Variants in WRAP73 observed in about 807,000 individuals in gnomAD.
The protein encoded by WRAP73 is WD repeat-containing protein WRAP73.
In WRAP73, 55 loss-of-function variants were observed where a neutral mutation model predicts 59.6. That is an observed-to-expected ratio of 0.92 (90% confidence interval 0.74 to 1.15). WRAP73 has a LOEUF of 1.15. Ranked by LOEUF, WRAP73 falls within the 50% of genes most tolerant of loss-of-function variation. The probability of loss-of-function intolerance (pLI) is 0.00; values close to 1 mark genes in which losing one functional copy is unlikely to be tolerated. For synonymous variants in WRAP73, 265 were observed against 258.2 expected, an observed-to-expected ratio of 1.03 and a Z score of -0.25; for missense variants, 592 against 608.1, an observed-to-expected ratio of 0.97 and a Z score of 0.28.
rs145686503 is a variant in WRAP73, at chr1:3,631,557, C to T, written c.1149G>A (p.Pro383=). The change falls in exon 11 of 12, where the codon CCG becomes CCA. Residue 383 remains proline (P), a synonymous_variant. Coordinates refer to ENST00000270708, the MANE Select transcript of WRAP73 (RefSeq NM_017818.4). Reference sequence around the variant, plus strand: ...TGCAGATGGCCAGCCGCGGCTGCTGCGGGTCCCACTGAAATGCGCGCACTG... The same window carrying T: ...TGCAGATGGCCAGCCGCGGCTGCTGTGGGTCCCACTGAAATGCGCGCACTG... The part of the protein sequence containing the change: ...LSPVRAFQWD[P]QQPRLAICTG... 5.6e-6 allele frequency: 9 copies of T among 1,611,244 alleles called. No homozygotes were observed. Among genetic ancestry groups the T allele is most frequent in the East Asian group, 4.5e-5 (2 of 44,886 alleles).
Position 3,631,059 on chromosome 1 carries a change from G to C in WRAP73, c.1299C>G (p.Leu433=), listed in dbSNP as rs1644527206. ...WHLSGDSMAL[L]SKDHFCLCFL... is the part of the protein sequence containing the mutation. Reference sequence around the variant, plus strand: ...AGCAGAGGCAGAAGTGATCCTTGCTGAGGAGGGCCATCGAGTCTCCGCTTA... The same window carrying C: ...AGCAGAGGCAGAAGTGATCCTTGCTCAGGAGGGCCATCGAGTCTCCGCTTA... The change falls in exon 12 of 12, where the codon CTC becomes CTG. Residue 433 remains leucine (L), a synonymous_variant. Transcript: ENST00000270708. The C allele has an allele frequency of 6.2e-7, 1 of 1,613,182 alleles. No individual in the cohort carries two copies. The highest frequency in any genetic ancestry group is 8.5e-7 in the Non-Finnish European group (1 of 1,180,028).
chr1:3,650,047 A>AC lies in WRAP73; in HGVS notation c.-49dup. 6.5e-7 allele frequency: 1 copy of AC among 1,528,292 alleles called. No homozygotes were observed. The highest frequency in any genetic ancestry group is 8.8e-7 in the Non-Finnish European group (1 of 1,137,058). 94.7% of individuals were successfully genotyped at this position (1,528,292 alleles called of 1,614,324 possible). On this transcript the variant is annotated 5_prime_UTR_variant, in exon 1 of 12. Transcript: ENST00000270708. Reference sequence around the variant, plus strand: ...CACCCTGCGCCCGAAAACCCGCGGGACCCCTGGGCGCGCAGCAGGCTGCAA... The same window carrying AC: ...CACCCTGCGCCCGAAAACCCGCGGGACCCCCTGGGCGCGCAGCAGGCTGCAA...
At chr1:3,645,907 A>G (rs957458442) in intron 3 of WRAP73, among the ~76,000 whole-genome samples, 1 of 152,178 alleles carries the variant, frequency 6.6e-6, no homozygotes, top group African/African-American at 2.4e-5. Flanking sequence ...TCCTGAAGGA[A>G]AGGTGCGAGC....
intron 4 of WRAP73, among the ~76,000 whole-genome samples, chr1:3,638,252 T>C (rs1644606653): frequency 6.6e-6 from 1 of 152,226 alleles, no homozygotes; most frequent in South Asian, 2.1e-4. Flanking sequence ...GCCGGCCCCC[T>C]TTCTTCCAGA....
At chr1:3,640,013 C>T (rs929203677) in intron 3 of WRAP73, among the ~76,000 whole-genome samples, 5 of 152,218 alleles carry the variant, frequency 3.3e-5, no homozygotes, top group African/African-American at 1.2e-4. Flanking sequence ...TAAATGTCTA[C>T]GCATCATCTC....
In WRAP73 at chr1:3,632,328, G is replaced by A. The variant is rs201562073; in HGVS notation, c.933C>T (p.Ala311=). 8 of 1,614,052 alleles carry A rather than the reference G, an allele frequency of 5.0e-6. No individual in the cohort carries two copies. In the African/African-American group the frequency reaches 9.3e-5, roughly 19 times the overall value. Residue 311 remains alanine (A), a synonymous_variant, in exon 10 of 12, where the codon GCC becomes GCT. Coordinates refer to ENST00000270708, the MANE Select transcript of WRAP73 (RefSeq NM_017818.4). ...LPSSESKYEI[A]SVPVSLQTLK... The stretch of plus-strand genomic sequence containing the variant: ...GTGTCTGTAAGGAGACTGGGACAGA[G>A]GCGATCTCATCTAGAACACCAACAG...
chr1:3,647,338 A>G, intron 2 of WRAP73, 70 bp downstream of exon 2: 1 of 1,452,320 alleles, frequency 6.9e-7, no homozygotes, highest in Admixed American at 2.7e-5. Context: ...AGAAAGGCAC[A>G]GAACAAAACC....
intron 3 of WRAP73, 86 bp from the exon 4 acceptor site, chr1:3,638,908 C>A: frequency 6.8e-7 from 1 of 1,479,682 alleles, no homozygotes; most frequent in Admixed American, 1.7e-5. Flanking sequence ...CCACGCGTCC[C>A]CAAGCACAGG....
At chr1:3,643,561 C>T (rs552440845) in intron 3 of WRAP73, among the ~76,000 whole-genome samples, 1 of 140,418 alleles carries the variant, frequency 7.1e-6, no homozygotes, top group East Asian at 3.0e-4. Flanking sequence ...GACTCAGCGG[C>T]CCCACTAACC....
At chr1:3,632,715 A>G in intron 9 of WRAP73, 1 of 335,392 alleles carries the variant, frequency 3.0e-6, no homozygotes, top group Non-Finnish European at 5.8e-6. Flanking sequence ...CCTCAGCGTC[A>G]GTACCCTTAG....
chr1:3,648,011 G>A (rs1644707114), intron 1 of WRAP73, among the ~76,000 whole-genome samples: 1 of 152,152 alleles, frequency 6.6e-6, no homozygotes, highest in Admixed American at 6.5e-5. Context: ...CAACGAAAAT[G>A]GCAAGGAATG....
intron 8 of WRAP73, chr1:3,634,080 TTCA>T (rs1644567015): frequency 1.3e-5 from 2 of 153,144 alleles, no homozygotes; most frequent in Admixed American, 1.3e-4. Context: ...CAGGCAAACC[TTCA>T]GGACCTGTGT....
chr1:3,650,085 G>C lies in WRAP73; in HGVS notation c.-86C>G. ...CAGCAGGCTGCAACAGCCGACGCCGGCCTCCGAGGCCGGAAGTCAGAAGGC... is the reference window on the plus strand; with the variant it reads ...CAGCAGGCTGCAACAGCCGACGCCGCCCTCCGAGGCCGGAAGTCAGAAGGC... On this transcript the variant is annotated 5_prime_UTR_variant, in exon 1 of 12. Coordinates refer to ENST00000270708, the MANE Select transcript of WRAP73 (RefSeq NM_017818.4). The C allele has an allele frequency of 7.3e-7, 1 of 1,361,488 alleles. No individual in the cohort carries two copies. Among genetic ancestry groups the C allele is most frequent in the Non-Finnish European group, 9.8e-7 (1 of 1,015,990 alleles). The allele number at this position is 1,361,488 out of a possible 1,614,324, so 84.3% of individuals were successfully genotyped here. A position where few individuals can be genotyped will look rare whatever the true frequency, so the allele number is the denominator to read the frequency against.
intron 9 of WRAP73, chr1:3,632,575 G>A (rs1265809733): frequency 3.5e-6 from 2 of 578,324 alleles, no homozygotes; most frequent in East Asian, 3.3e-5. Flanking sequence ...CGACTAGGTG[G>A]GGGGTGGACC....
Position 3,647,547 on chromosome 1 carries a change from T to C in WRAP73, c.83A>G (p.Gln28Arg). The C allele has an allele frequency of 6.2e-7, 1 of 1,612,320 alleles. No homozygotes were observed. Among genetic ancestry groups the C allele is most frequent in the South Asian group, 1.1e-5 (1 of 90,788 alleles). Residue 28 changes from glutamine to arginine, a missense_variant, in exon 2 of 12, where the codon CAG becomes CGG. Coordinates refer to ENST00000270708, the MANE Select transcript of WRAP73 (RefSeq NM_017818.4). Reference sequence around the variant, plus strand: ...CACATCCCGGACCACTAACCGGTACTGGACACAGGAAGCCTAAAAAATATG... The same window carrying C: ...CACATCCCGGACCACTAACCGGTACCGGACACAGGAAGCCTAAAAAATATG... ...PDGKYLASCV[Q>R]YRLVVRDVNT...
In WRAP73 at chr1:3,646,592, CGCACTCCCCAGCTGTTTCGAGA is replaced by C; in HGVS notation, c.339+52_339+73del. ...AGCATACTCCAAACACACCCCCTCT[CGCACTCCCCAGCTGTTTCGAGA>C]GCAGAGGACAGGATCACATGGCCAG... On this transcript the variant is annotated intron_variant, in intron 3 of 11. Coordinates refer to ENST00000270708, the MANE Select transcript of WRAP73 (RefSeq NM_017818.4). The surrounding 1 kb of genome is among the most constrained non-coding windows in gnomAD (Gnocchi z 5.1). 3.9e-6 allele frequency: 5 copies of C among 1,284,046 alleles called. No individual in the cohort carries two copies. Among genetic ancestry groups the C allele is most frequent in the Non-Finnish European group, 5.4e-6 (5 of 917,974 alleles). 79.5% of individuals were successfully genotyped at this position (1,284,046 alleles called of 1,614,324 possible).
intron 11 of WRAP73, 125 bp downstream of exon 11, chr1:3,631,341 A>C: frequency 7.3e-7 from 1 of 1,365,964 alleles, no homozygotes; most frequent in Non-Finnish European, 1.0e-6. Context: ...TTACGCAAAG[A>C]CTCTGAGGGC....
chr1:3,635,184 C>T lies in WRAP73; in HGVS notation c.714G>A (p.Leu238=). Residue 238 remains leucine, a synonymous_variant, in exon 7 of 12, where the codon CTG becomes CTA. Coordinates refer to ENST00000270708, the MANE Select transcript of WRAP73 (RefSeq NM_017818.4). Reference sequence around the variant, plus strand: ...CCTTTCCATCATAGCTCCCAACTGCCAGGAACTGACTGCTGGGGCTCCAGG... The same window carrying T: ...CCTTTCCATCATAGCTCCCAACTGCTAGGAACTGACTGCTGGGGCTCCAGG... ...SVAWSPSSQF[L]AVGSYDGKVR... 1 of 1,614,144 alleles carries T rather than the reference C, an allele frequency of 6.2e-7. No homozygotes were observed. The highest frequency in any genetic ancestry group is 1.6e-4 in the Middle Eastern group (1 of 6,062).
intron 1 of WRAP73, among the ~76,000 whole-genome samples, chr1:3,648,093 T>C (rs1180883929): frequency 6.6e-6 from 1 of 152,262 alleles, no homozygotes; most frequent in Non-Finnish European, 1.5e-5. Flanking sequence ...CTTTCACTTC[T>C]GCACACATAA....
Sources: gnomAD v4.1 joint callset for allele counts (sites outside exome capture counted in the v4.1 genomes callset) on GRCh38, gnomAD v4.1.1 for gene constraint, Gnocchi (gnomAD v3.1) non-coding constraint, MANE v1.5 for transcripts, NCBI Gene and HGNC (gene_info 2026-07-23, HGNC 2026-07-21) for gene names.